Variants in CNBD1 observed in about 807,000 individuals in gnomAD.
CNBD1 encodes the protein cyclic nucleotide binding domain containing 1.
CNBD1 carries 71 observed loss-of-function variants against 54.4 expected under a neutral mutation model. The observed-to-expected ratio is 1.30, with a 90% CI of 1.08 to 1.59. The LOEUF is 1.59. CNBD1 is among the 40% of genes most tolerant of loss of function. CNBD1 has a pLI of 0.00. For missense variants in CNBD1, 659 were observed against 518.0 expected (o/e 1.27, Z -2.64); for synonymous variants, 182 against 170.7 (o/e 1.07, Z -0.51).
At chr8:86,873,033 A>AT (rs1297079109) in intron 1 of CNBD1, among the ~76,000 whole-genome samples, 1 of 151,926 alleles carries the variant, frequency 6.6e-6, no homozygotes, top group Non-Finnish European at 1.5e-5. Context: ...AGCTACGATC[A>AT]TGCTACTGCA....
Position 87,206,113 on chromosome 8 carries a change from C to T in CNBD1, c.552C>T (p.Ser184=), listed in dbSNP as rs774522037. 3.2e-5 allele frequency: 51 copies of T among 1,585,044 alleles called. No homozygotes were observed. Among genetic ancestry groups the T allele is most frequent in the Middle Eastern group, 1.7e-4 (1 of 5,970 alleles). The stretch of plus-strand genomic sequence containing the variant: ...AAACACTTAGTAAGACTGTCTTTTC[C>T]GAAACCTGGTTGAAAGGCAGCACAG... ...HLKTLSKTVF[S]ETWLKGSTVV... The change falls in exon 5 of 11, where the codon TCC becomes TCT. Residue 184 remains serine (S), a synonymous_variant. Coordinates refer to ENST00000518476, the MANE Select transcript of CNBD1 (RefSeq NM_173538.3).
chr8:87,291,398 G>A (rs1808781529), intron 8 of CNBD1, among the ~76,000 whole-genome samples: 1 of 151,994 alleles, frequency 6.6e-6, no homozygotes. Context: ...TGCTTGCAGA[G>A]ATGCCTCTTT....
chr8:87,402,808 A>C (rs1807588827), intron 2 of CNBD1, among the ~76,000 whole-genome samples: 1 of 152,098 alleles, frequency 6.6e-6, no homozygotes, highest in South Asian at 2.1e-4. Flanking sequence ...CAAAATGTGA[A>C]AATGAGAGCA....
chr8:87,070,516 A>G (rs77015499), intron 4 of CNBD1, among the ~76,000 whole-genome samples: 4,336 of 152,252 alleles, frequency 0.028, 91 homozygotes, highest in Non-Finnish European at 0.043. Flanking sequence ...CTTTTAAAAA[A>G]GACAAGTTCT....
intron 3 of CNBD1, among the ~76,000 whole-genome samples, chr8:86,939,096 A>G (rs1027242187): frequency 1.3e-5 from 2 of 152,262 alleles, no homozygotes; most frequent in South Asian, 2.1e-4. Flanking sequence ...TTATTTGTAC[A>G]TCTCTTAGGG....
At chr8:87,133,414 G>C (rs913088146) in intron 4 of CNBD1, among the ~76,000 whole-genome samples, 1 of 152,180 alleles carries the variant, frequency 6.6e-6, no homozygotes, top group Non-Finnish European at 1.5e-5. Context: ...TCCTGTAGTA[G>C]CAGAAACTGA....
chr8:87,419,314 A>G (rs181366127), intron 2 of CNBD1, among the ~76,000 whole-genome samples: 1 of 151,906 alleles, frequency 6.6e-6, no homozygotes. Context: ...GTAGAGATGG[A>G]AAGTGAGTGA....
chr8:87,069,019 AG>A (rs1165388882), intron 4 of CNBD1, among the ~76,000 whole-genome samples: 2 of 152,102 alleles, frequency 1.3e-5, no homozygotes, highest in African/African-American at 4.8e-5. Context: ...GAACTAATAG[AG>A]ATATGGTTGA....
At chr8:86,949,348 A>G (rs896920173) in intron 4 of CNBD1, among the ~76,000 whole-genome samples, 1 of 152,156 alleles carries the variant, frequency 6.6e-6, no homozygotes, top group Non-Finnish European at 1.5e-5. Flanking sequence ...GGTAGTAAGG[A>G]CATCTTAACA....
chr8:87,100,062 T>G (rs963258458), intron 4 of CNBD1, among the ~76,000 whole-genome samples: 1 of 152,186 alleles, frequency 6.6e-6, no homozygotes, highest in African/African-American at 2.4e-5. Flanking sequence ...GAGGATATTT[T>G]CTTGGAAGGC....
intron 7 of CNBD1, 95 bp downstream of exon 7, chr8:87,284,910 A>G (rs1489985784): frequency 6.7e-6 from 6 of 901,162 alleles, no homozygotes; most frequent in Non-Finnish European, 9.5e-6. Context: ...TATCTGTTTT[A>G]TTTTTAAATT....
At chr8:86,936,329 C>G (rs545550480) in intron 3 of CNBD1, among the ~76,000 whole-genome samples, 2 of 152,076 alleles carry the variant, frequency 1.3e-5, no homozygotes, top group Non-Finnish European at 2.9e-5. Context: ...ATTAAAAACT[C>G]CTAATTACAT....
intron 4 of CNBD1, among the ~76,000 whole-genome samples, chr8:87,035,472 CAT>C: frequency 6.6e-6 from 1 of 152,196 alleles, no homozygotes; most frequent in East Asian, 1.9e-4. Context: ...AACTTTATTA[CAT>C]ATACTTCAAT....
intron 3 of CNBD1, among the ~76,000 whole-genome samples, chr8:86,928,570 A>G (rs748742459): frequency 1.3e-5 from 2 of 152,186 alleles, no homozygotes; most frequent in Non-Finnish European, 2.9e-5. Context: ...TAGGACTTTA[A>G]CTACTTCCTG....
Position 87,027,299 on chromosome 8 carries a change from A to C in CNBD1, c.431+87545A>C, listed in dbSNP as rs189080116. 2.7e-3 allele frequency among the ~76,000 whole-genome samples: 403 copies of C among 152,060 alleles called. 2 individuals are homozygous for C. The highest frequency in any genetic ancestry group is 9.4e-3 in the African/African-American group (391 of 41,468). The stretch of plus-strand genomic sequence containing the variant: ...ATTTATTTATTTATTTTGAGATGGA[A>C]TCTTGCTCTGTTGCCAGGCTGGAGT... On this transcript the variant is annotated intron_variant, in intron 4 of 10. Transcript: ENST00000518476.
chr8:86,995,281 G>A (rs1170272190), intron 4 of CNBD1, among the ~76,000 whole-genome samples: 1 of 152,184 alleles, frequency 6.6e-6, no homozygotes, highest in East Asian at 1.9e-4. Flanking sequence ...CATGAACCAG[G>A]GGCAGGCATG....
chr8:87,253,343 G>C (rs190859546), intron 6 of CNBD1, among the ~76,000 whole-genome samples: 1 of 152,080 alleles, frequency 6.6e-6, no homozygotes, highest in Non-Finnish European at 1.5e-5. Flanking sequence ...AGATCATAGT[G>C]TTTCTTCCCT....
At position 87,284,836 on chromosome 8, in the gene CNBD1, T is replaced by A. The variant is rs1261505116; in HGVS notation, c.909+21T>A. 4.6e-6 allele frequency: 7 copies of A among 1,510,780 alleles called. No individual in the cohort carries two copies. In the Admixed American group the frequency reaches 1.5e-4, roughly 33 times the overall value. The allele number at this position is 1,510,780 out of a possible 1,614,324, so 93.6% of individuals were successfully genotyped here. ...AGGAGGTAAGATGATATCTAATATT[T>A]TATATAAACAAAAATTGGGCATAAA... On this transcript the variant is annotated intron_variant, in intron 7 of 10. Coordinates refer to ENST00000518476, the MANE Select transcript of CNBD1 (RefSeq NM_173538.3).
chr8:87,273,665 T>G (rs6468738), intron 6 of CNBD1, among the ~76,000 whole-genome samples: 42,707 of 151,878 alleles, frequency 0.28, 6,451 homozygotes, highest in African/African-American at 0.39. Flanking sequence ...ATGAATATCG[T>G]TATTCTTTGC....
Sources: allele counts gnomAD v4.1 joint callset (sites outside exome capture counted in the v4.1 genomes callset), GRCh38; gene constraint gnomAD v4.1.1; transcripts MANE v1.5; gene names NCBI Gene and HGNC (gene_info 2026-07-23, HGNC 2026-07-21).